The following GPC5 variants were observed in gnomAD, a reference collection of about 807,000 sequenced individuals.
GPC5 encodes the protein glypican-5.
Under a neutral mutation model 53.9 loss-of-function variants are expected in GPC5, and 47 were observed. The observed-to-expected ratio is 0.87, with a 90% CI of 0.69 to 1.11. The LOEUF (loss-of-function observed/expected upper bound fraction) is 1.11, where lower values mean the gene tolerates loss of function less well. Among genes scored for constraint, GPC5 ranks in the 50% most tolerant of loss-of-function variants. The pLI is 0.00. For missense variants in GPC5, 748 were observed against 713.1 expected, an observed-to-expected ratio of 1.05 and a Z score of -0.56; for synonymous variants, 286 against 263.3, an observed-to-expected ratio of 1.09 and a Z score of -0.84.
At chr13:91,771,299 T>C (rs1057019827) in intron 5 of GPC5, among the ~76,000 whole-genome samples, 1 of 152,198 alleles carries the variant, frequency 6.6e-6, no homozygotes, top group African/African-American at 2.4e-5. Context: ...ATCATTAAAT[T>C]TGATAATTCA....
chr13:92,610,622 T>C (rs1210335836), intron 7 of GPC5, among the ~76,000 whole-genome samples: 1 of 152,180 alleles, frequency 6.6e-6, no homozygotes, highest in Non-Finnish European at 1.5e-5. Flanking sequence ...CATACTGCTA[T>C]AAAGAACTGC....
rs1566364062 is a variant in GPC5, at chr13:91,959,096, AC to A, written c.1401+51040del. The stretch of plus-strand genomic sequence containing the variant: ...CACACACACACACACACACACACAC[AC>A]ACACATCAATGATGAAACAGAAAGT... On this transcript the variant is annotated intron_variant, in intron 6 of 7. Coordinates refer to ENST00000377067, the MANE Select transcript of GPC5 (RefSeq NM_004466.6). Among the ~76,000 whole-genome samples, 579 of 150,152 alleles carry A rather than the reference AC, an allele frequency of 3.9e-3. 3 individuals are homozygous for A. Among genetic ancestry groups the A allele is most frequent in the African/African-American group, 0.013 (552 of 40,972 alleles).
chr13:91,734,873 A>G (rs1324149474), intron 4 of GPC5, among the ~76,000 whole-genome samples: 2 of 137,756 alleles, frequency 1.5e-5, no homozygotes, highest in Non-Finnish European at 3.1e-5. Flanking sequence ...GCATTACCAT[A>G]TTTCTATTTT....
At chr13:92,631,629 A>G (rs1015822300) in intron 7 of GPC5, among the ~76,000 whole-genome samples, 1 of 152,168 alleles carries the variant, frequency 6.6e-6, no homozygotes, top group African/African-American at 2.4e-5. Context: ...ATTGCCAAAA[A>G]CTGCAACTGC....
chr13:92,241,171 C>T (rs2776429), intron 7 of GPC5: 85,577 of 151,752 alleles, frequency 0.56, 24,367 homozygotes, highest in South Asian at 0.65. Context: ...ATTATTGGTG[C>T]AGAATCAAAT....
chr13:92,470,398 T>A (rs1237522146), intron 7 of GPC5, among the ~76,000 whole-genome samples: 1 of 152,170 alleles, frequency 6.6e-6, no homozygotes, highest in African/African-American at 2.4e-5. Flanking sequence ...AGTTCTGGGA[T>A]ACATGTGCAG....
intron 7 of GPC5, among the ~76,000 whole-genome samples, chr13:92,758,221 C>G (rs1323267130): frequency 7.0e-6 from 1 of 142,040 alleles, no homozygotes; most frequent in East Asian, 2.0e-4. Context: ...TCTCAGTAAA[C>G]TATCGCAAGA....
In GPC5 at chr13:91,540,234, A is replaced by G. The variant is rs546308538; in HGVS notation, c.325+91312A>G. The stretch of plus-strand genomic sequence containing the variant: ...CAGCTGGCCCTTCCAGACTCTCTTC[A>G]GGGTCCTCTTCCTGCTAGATTCACC... On this transcript the variant is annotated intron_variant, in intron 2 of 7. Transcript: ENST00000377067. Among the ~76,000 whole-genome samples, 18 of 152,320 alleles carry G rather than the reference A, an allele frequency of 1.2e-4. No homozygotes were observed. The South Asian group carries it at 3.7e-3, about 32-fold the overall frequency.
intron 7 of GPC5, among the ~76,000 whole-genome samples, chr13:92,335,983 C>G (rs1566544167): frequency 6.6e-6 from 1 of 152,198 alleles, no homozygotes; most frequent in African/African-American, 2.4e-5. Context: ...ACTGTTCCAA[C>G]TTCTTCCTGT....
At chr13:92,083,337 G>A (rs2041311130) in intron 6 of GPC5, among the ~76,000 whole-genome samples, 1 of 152,120 alleles carries the variant, frequency 6.6e-6, no homozygotes, top group African/African-American at 2.4e-5. Context: ...GAACCAAAAA[G>A]GCAGTGGGGG....
chr13:91,632,534 A>G (rs949472735), intron 2 of GPC5, among the ~76,000 whole-genome samples: 2 of 152,158 alleles, frequency 1.3e-5, no homozygotes, highest in Non-Finnish European at 2.9e-5. Flanking sequence ...CAAAAAACAA[A>G]GGAAAATATA....
intron 7 of GPC5, among the ~76,000 whole-genome samples, chr13:92,410,658 G>A (rs1419660030): frequency 6.6e-6 from 1 of 152,168 alleles, no homozygotes; most frequent in African/African-American, 2.4e-5. Flanking sequence ...GATGCAAAAG[G>A]AGTGCCAAAA....
chr13:92,298,665 A>G (rs1278190076), intron 7 of GPC5, among the ~76,000 whole-genome samples: 1 of 152,040 alleles, frequency 6.6e-6, no homozygotes, highest in Non-Finnish European at 1.5e-5. Context: ...GGGTACTCAC[A>G]GTATTTGGGG....
intron 6 of GPC5, among the ~76,000 whole-genome samples, chr13:91,909,042 G>A (rs2039584135): frequency 6.6e-6 from 1 of 152,250 alleles, no homozygotes; most frequent in Non-Finnish European, 1.5e-5. Context: ...TCAAGGAAAG[G>A]ATATGTAAGA....
chr13:92,408,234 A>G (rs1038322338), intron 7 of GPC5, among the ~76,000 whole-genome samples: 2 of 152,160 alleles, frequency 1.3e-5, no homozygotes. Context: ...ACTGTCTCCC[A>G]TCATCCCCCA....
intron 2 of GPC5, among the ~76,000 whole-genome samples, chr13:91,562,071 C>T (rs2031292361): frequency 6.6e-6 from 1 of 151,578 alleles, no homozygotes; most frequent in Non-Finnish European, 1.5e-5. Flanking sequence ...CCAGTTCATG[C>T]CAGGGAAGCT....
In GPC5 at chr13:92,692,754, ATTTTTTTTTTT is replaced by A. The variant is rs71272284; in HGVS notation, c.1562-173516_1562-173506del. On this transcript the variant is annotated intron_variant, in intron 7 of 7. Transcript: ENST00000377067. Reference sequence around the variant, plus strand: ...CTCCAAAGCCTCACCAATATCGGCTATTTTTTTTTTTTTTTTTTTTTTACATTTTACCAAAA... The same window carrying A: ...CTCCAAAGCCTCACCAATATCGGCTATTTTTTTTTTTACATTTTACCAAAA... Among the ~76,000 whole-genome samples the A allele has an allele frequency of 1.7e-4, 14 of 81,036 alleles. 1 individual carries two copies. The highest frequency in any genetic ancestry group is 6.3e-4 in the African/African-American group (13 of 20,746). 53.2% of individuals were successfully genotyped at this position (81,036 alleles called of 152,430 possible).
intron 7 of GPC5, among the ~76,000 whole-genome samples, chr13:92,578,078 A>G (rs1243770958): frequency 2.0e-5 from 3 of 152,198 alleles, no homozygotes; most frequent in African/African-American, 7.2e-5. Flanking sequence ...TGTACTTACC[A>G]TAAGGTTGGC....
At chr13:91,845,997 C>A (rs1309335327) in intron 5 of GPC5, among the ~76,000 whole-genome samples, 22 of 152,142 alleles carry the variant, frequency 1.4e-4, no homozygotes, top group Admixed American at 1.4e-3. Flanking sequence ...CTTTAACCAT[C>A]ATCATTTACA....
Sources: gnomAD v4.1 joint callset for allele counts (sites outside exome capture counted in the v4.1 genomes callset) on GRCh38, gnomAD v4.1.1 for gene constraint, MANE v1.5 for transcripts, NCBI Gene and HGNC (gene_info 2026-07-23, HGNC 2026-07-21) for gene names.